The following ZNF536 variants were observed in gnomAD, a reference collection of about 807,000 sequenced individuals.
The protein encoded by ZNF536 is zinc finger protein 536.
ZNF536 carries 13 observed loss-of-function variants against 84.5 expected under a neutral mutation model. The observed-to-expected ratio is 0.15, with a 90% CI of 0.10 to 0.24. ZNF536 has a LOEUF of 0.24. Among genes scored for constraint, ZNF536 ranks in the 10% least tolerant of loss-of-function variants. The pLI is 1.00. For synonymous variants in ZNF536, 811 were observed against 742.5 expected (o/e 1.09, Z -1.50); for missense variants, 1,536 against 1,747.5 (o/e 0.88, Z 2.16).
At chr19:30,461,875 G>A (rs1003867121) in intron 2 of ZNF536, among the ~76,000 whole-genome samples, 3 of 152,066 alleles carry the variant, frequency 2.0e-5, no homozygotes, top group African/African-American at 7.3e-5. Flanking sequence ...TGCTGGCACC[G>A]CCGGTGCTGC....
rs1255298532 is a variant in ZNF536 at position 30,445,356 on chromosome 19, C to G, written c.1794C>G (p.Leu598=). 1 of 1,614,022 alleles carries G rather than the reference C, an allele frequency of 6.2e-7. No homozygotes were observed. The highest frequency in any genetic ancestry group is 1.3e-5 in the African/African-American group (1 of 74,924). The change falls in exon 2 of 5, where the codon CTC becomes CTG. Residue 598 remains leucine (L), a synonymous_variant. Coordinates refer to ENST00000355537, the MANE Select transcript of ZNF536 (RefSeq NM_014717.3). This position sits in a 1 kb window ranked among gnomAD's most constrained non-coding sequence, Gnocchi z 4.5. ...VGSQRDLPSK[L]DPLESSRDFL... is the part of the protein sequence containing the mutation. ...GCCAGAGAGACCTGCCAAGTAAGCT[C>G]GACCCTTTAGAAAGCAGTCGGGATT...
At chr19:30,546,867 A>G (rs2045578541) in intron 3 of ZNF536, among the ~76,000 whole-genome samples, 1 of 152,218 alleles carries the variant, frequency 6.6e-6, no homozygotes. Context: ...TTCTTGGAAT[A>G]TATTTAAATC....
intron 2 of ZNF536, among the ~76,000 whole-genome samples, chr19:30,338,137 GGTGATGATT>G (rs1364965088): frequency 3.3e-5 from 5 of 149,582 alleles, no homozygotes; most frequent in Non-Finnish European, 7.5e-5. Flanking sequence ...TGGTGATGAT[GGTGATGATT>G]GTGATGATTG....
chr19:30,316,698 C>T (rs140860972), intron 2 of ZNF536, among the ~76,000 whole-genome samples: 278 of 152,294 alleles, frequency 1.8e-3, no homozygotes, highest in African/African-American at 5.7e-3. Context: ...ATTTGCTTTG[C>T]TCTTCATTCC....
chr19:30,286,676 A>G (rs1375270817), intron 2 of ZNF536, among the ~76,000 whole-genome samples: 2 of 152,232 alleles, frequency 1.3e-5, no homozygotes. Context: ...CTTTGGCTCG[A>G]AATATGCAAT....
At chr19:30,673,104 T>G (rs1401637985) in intron 1 of ZNF536, among the ~76,000 whole-genome samples, 1 of 152,142 alleles carries the variant, frequency 6.6e-6, no homozygotes, top group African/African-American at 2.4e-5. Context: ...AGGACTCCAG[T>G]GCCCCTGTCA....
At chr19:30,665,567 A>G (rs1042361373) in intron 1 of ZNF536, 4 of 152,124 alleles carry the variant, frequency 2.6e-5, no homozygotes, top group African/African-American at 9.7e-5. Flanking sequence ...CCTTTGCTGC[A>G]TTTCCTGAAA....
At chr19:30,373,882 C>G (rs2048704990) in intron 1 of ZNF536, among the ~76,000 whole-genome samples, 1 of 152,196 alleles carries the variant, frequency 6.6e-6, no homozygotes. Flanking sequence ...GAGCCGGGGC[C>G]AAGGTGGGCC....
At chr19:30,701,188 C>T (rs998921094) in intron 1 of ZNF536, among the ~76,000 whole-genome samples, 3 of 53,312 alleles carry the variant, frequency 5.6e-5, no homozygotes, top group Admixed American at 2.4e-4. Flanking sequence ...CTATATCTCA[C>T]TCTCACACAC....
chr19:30,607,252 A>T (rs189579677), intron 1 of ZNF536, among the ~76,000 whole-genome samples: 1 of 152,290 alleles, frequency 6.6e-6, no homozygotes, highest in Admixed American at 6.5e-5. Flanking sequence ...TGTTTTTTTA[A>T]AAATTCATGT....
chr19:30,521,294 G>A (rs1306110063), intron 2 of ZNF536, among the ~76,000 whole-genome samples: 1 of 152,218 alleles, frequency 6.6e-6, no homozygotes, highest in Non-Finnish European at 1.5e-5. Context: ...TCTGGGGGCT[G>A]TGGGGACACT....
chr19:30,483,075 C>T (rs2054153891), intron 2 of ZNF536, among the ~76,000 whole-genome samples: 1 of 152,218 alleles, frequency 6.6e-6, no homozygotes, highest in South Asian at 2.1e-4. Context: ...CCTCCAGGCT[C>T]CAGCCCCACC....
chr19:30,475,733 C>T (rs2144725480), intron 2 of ZNF536, among the ~76,000 whole-genome samples: 1 of 152,274 alleles, frequency 6.6e-6, no homozygotes, highest in East Asian at 1.9e-4. Context: ...AAACCCAACC[C>T]CACACGAGCC....
At chr19:30,516,625 C>G (rs556308646) in intron 2 of ZNF536, among the ~76,000 whole-genome samples, 12 of 152,170 alleles carry the variant, frequency 7.9e-5, no homozygotes, top group African/African-American at 2.4e-4. Flanking sequence ...GCCAGCCCTT[C>G]GCTCGGCTCT....
intron 3 of ZNF536, among the ~76,000 whole-genome samples, chr19:30,536,713 G>A (rs1333054463): frequency 6.6e-6 from 1 of 152,076 alleles, no homozygotes; most frequent in African/African-American, 2.4e-5. Flanking sequence ...CCTTCCCCAG[G>A]GAACACAGGA....
chr19:30,693,651 A>G (rs909939045), intron 1 of ZNF536, among the ~76,000 whole-genome samples: 18 of 152,048 alleles, frequency 1.2e-4, no homozygotes, highest in African/African-American at 4.3e-4. Flanking sequence ...GCCACGTGAC[A>G]TTAGTGGCGC....
rs759786636 is a variant in ZNF536 at position 30,534,989 on chromosome 19, G to A, written c.2313G>A (p.Arg771=). ...CCCATCACCTTAAGGTGCACCTGAG[G>A]ATACACACAGGTGAGAAGTCTGAGT... is the stretch of plus-strand genomic sequence containing the variant. The part of the protein sequence containing the change: ...RTSHHLKVHL[R]IHTGEKPYKC... The change falls in exon 3 of 5, where the codon AGG becomes AGA. Residue 771 remains arginine (R), a synonymous_variant. Coordinates refer to ENST00000355537, the MANE Select transcript of ZNF536 (RefSeq NM_014717.3). The A allele has an allele frequency of 1.9e-6, 3 of 1,611,718 alleles. No individual in the cohort carries two copies. Among genetic ancestry groups the A allele is most frequent in the South Asian group, 1.1e-5 (1 of 90,362 alleles).
rs1029586893 is a variant in ZNF536, at chr19:30,557,322, G to A, written c.*158G>A. On this transcript the variant is annotated 3_prime_UTR_variant, in exon 5 of 5. Coordinates refer to ENST00000355537, the MANE Select transcript of ZNF536 (RefSeq NM_014717.3). ...TTGGCATAGGTATGTGTATACACAC[G>A]GTGCACCAATCTACAGTATATATAG... 3.4e-5 allele frequency: 26 copies of A among 767,602 alleles called. No homozygotes were observed. The highest frequency in any genetic ancestry group is 8.8e-5 in the Admixed American group (4 of 45,516). 47.5% of individuals were successfully genotyped at this position (767,602 alleles called of 1,614,324 possible).
chr19:30,457,755 A>G (rs1310853899), intron 2 of ZNF536, among the ~76,000 whole-genome samples: 2 of 152,208 alleles, frequency 1.3e-5, no homozygotes, highest in Non-Finnish European at 2.9e-5. Context: ...AGAACCTGTG[A>G]GGCCCCACAC....
Sources: gnomAD v4.1 joint callset for allele counts (sites outside exome capture counted in the v4.1 genomes callset) on GRCh38, gnomAD v4.1.1 for gene constraint, Gnocchi (gnomAD v3.1) non-coding constraint, MANE v1.5 for transcripts, NCBI Gene and HGNC (gene_info 2026-07-23, HGNC 2026-07-21) for gene names.